IKZF1: variants seen among roughly 807,000 people sequenced by gnomAD.
IKZF1 encodes the protein DNA-binding protein Ikaros.
A neutral mutation model predicts 51.7 loss-of-function variants in IKZF1; 10 were observed. The observed-to-expected ratio is 0.19, with a 90% CI of 0.12 to 0.33. The LOEUF is 0.33. Among genes scored for constraint, IKZF1 ranks in the 10% least tolerant of loss-of-function variants. The pLI is 1.00. For synonymous variants in IKZF1, 280 were observed against 282.3 expected, an observed-to-expected ratio of 0.99 and a Z score of 0.08; for missense variants, 484 against 707.5, an observed-to-expected ratio of 0.68 and a Z score of 3.58.
At position 50,379,256 on chromosome 7, in the gene IKZF1, G is replaced by A. The variant is rs547267330; in HGVS notation, c.421+2463G>A. Among the ~76,000 whole-genome samples the A allele has an allele frequency of 1.9e-4, 29 of 152,324 alleles. No homozygotes were observed. The East Asian group carries it at 2.9e-3, about 15-fold the overall frequency. On this transcript the variant is annotated intron_variant, in intron 4 of 7. Transcript: ENST00000331340. ...GGCTCTCCACCTGGGGCTTAGGTAC[G>A]ACGGGAATCCCCACTGGACAGGCTA...
intron 6 of IKZF1, among the ~76,000 whole-genome samples, chr7:50,388,102 G>T (rs777077985): frequency 6.6e-6 from 1 of 152,156 alleles, no homozygotes; most frequent in Non-Finnish European, 1.5e-5. Context: ...CCCAGAGCCT[G>T]TAGAATAAAT....
intron 3 of IKZF1, among the ~76,000 whole-genome samples, chr7:50,329,801 C>T (rs1796032269): frequency 1.3e-5 from 2 of 152,210 alleles, no homozygotes; most frequent in Non-Finnish European, 2.9e-5. Flanking sequence ...GCCTGGATGT[C>T]AGAGTGAGGA....
intron 2 of IKZF1, among the ~76,000 whole-genome samples, chr7:50,320,098 C>T (rs943443352): frequency 2.6e-5 from 4 of 152,198 alleles, no homozygotes; most frequent in Non-Finnish European, 5.9e-5. Context: ...TGGACTTAAA[C>T]TCTCCCAGGT....
At chr7:50,354,450 G>A (rs1171902245) in intron 3 of IKZF1, among the ~76,000 whole-genome samples, 1 of 152,222 alleles carries the variant, frequency 6.6e-6, no homozygotes, top group East Asian at 1.9e-4. Flanking sequence ...GCAAGGGGCA[G>A]AGCTGGGGCG....
chr7:50,363,069 C>A (rs1275515625), intron 3 of IKZF1, among the ~76,000 whole-genome samples: 1 of 152,172 alleles, frequency 6.6e-6, no homozygotes, highest in East Asian at 1.9e-4. Context: ...GGCGAGCCCC[C>A]TGTGGGTTGG....
intron 3 of IKZF1, among the ~76,000 whole-genome samples, chr7:50,345,312 GA>G (rs1224244251): frequency 6.6e-6 from 1 of 152,136 alleles, no homozygotes; most frequent in Non-Finnish European, 1.5e-5. Context: ...ATATTACTCA[GA>G]ATCATATTGT....
chr7:50,348,117 G>A (rs1426020479), intron 3 of IKZF1, among the ~76,000 whole-genome samples: 1 of 152,218 alleles, frequency 6.6e-6, no homozygotes, highest in Non-Finnish European at 1.5e-5. Context: ...CCGCTGATAT[G>A]CCAGGGACAT....
chr7:50,353,389 G>A (rs772666989), intron 3 of IKZF1, among the ~76,000 whole-genome samples: 4 of 152,198 alleles, frequency 2.6e-5, no homozygotes, highest in Non-Finnish European at 4.4e-5. Flanking sequence ...AAGGCCTGAG[G>A]TCTGGAAGCC....
chr7:50,382,319 C>T (rs1411406042), intron 4 of IKZF1, among the ~76,000 whole-genome samples: 3 of 152,104 alleles, frequency 2.0e-5, no homozygotes, highest in Admixed American at 1.3e-4. Context: ...TTGTGATGTG[C>T]CATTCTGATT....
chr7:50,364,468 A>G (rs1806223400), intron 3 of IKZF1, among the ~76,000 whole-genome samples: 1 of 152,252 alleles, frequency 6.6e-6, no homozygotes, highest in Non-Finnish European at 1.5e-5. Flanking sequence ...CACCTGTTTT[A>G]TCTGCATCCT....
rs780721775 is a variant in IKZF1 at position 50,400,354 on chromosome 7, G to A, written c.1287G>A (p.Lys429=). Residue 429 remains lysine, a synonymous_variant, in exon 8 of 8, where the codon AAG becomes AAA. Transcript: ENST00000331340. This position sits in a 1 kb window ranked among gnomAD's most constrained non-coding sequence, Gnocchi z 5.4. ...APHARNGLSL[K]EEHRAYDLLR... is the part of the protein sequence containing the mutation. ...ACGCGCGCAACGGGCTGTCGCTCAA[G>A]GAGGAGCACCGCGCCTACGACCTGC... The A allele has an allele frequency of 2.4e-5, 39 of 1,612,874 alleles. No homozygotes were observed. The highest frequency in any genetic ancestry group is 3.3e-5 in the Non-Finnish European group (39 of 1,179,764).
At chr7:50,394,638 TGGTGCTCCCAACACTA>T (rs1341062992) in intron 7 of IKZF1, among the ~76,000 whole-genome samples, 1 of 152,198 alleles carries the variant, frequency 6.6e-6, no homozygotes, top group Non-Finnish European at 1.5e-5. Flanking sequence ...ATGGATGTGA[TGGTGCTCCCAACACTA>T]GAAAGCATCT....
chr7:50,323,832 T>A (rs1794091838), intron 2 of IKZF1, among the ~76,000 whole-genome samples: 1 of 152,234 alleles, frequency 6.6e-6, no homozygotes, highest in African/African-American at 2.4e-5. Flanking sequence ...CTTAGCATAT[T>A]AGAATCCATG....
intron 3 of IKZF1, among the ~76,000 whole-genome samples, chr7:50,364,892 T>C (rs1806398160): frequency 6.6e-6 from 1 of 152,322 alleles, no homozygotes; most frequent in African/African-American, 2.4e-5. Context: ...GGGGCAGGGC[T>C]AAGAGGTGTA....
chr7:50,340,462 A>G lies in IKZF1; in HGVS notation c.160+12705A>G, dbSNP rs923145667. The stretch of plus-strand genomic sequence containing the variant: ...GTGTGATCGATGGAAGGCCTTCAGC[A>G]TGGCCCCCTGCTGCATGGCAGAGCC... On this transcript the variant is annotated intron_variant, in intron 3 of 7. Transcript: ENST00000331340. 3.1e-3 allele frequency among the ~76,000 whole-genome samples: 468 copies of G among 152,338 alleles called. 2 individuals carry two copies. The highest frequency in any genetic ancestry group is 0.01 in the African/African-American group (423 of 41,574).
chr7:50,391,986 G>A (rs1034667659), intron 7 of IKZF1, 123 bp downstream of exon 7: 1 of 1,354,046 alleles, frequency 7.4e-7, no homozygotes, highest in Non-Finnish European at 9.8e-7. Context: ...GGAAAAATTG[G>A]TAAGCTTAAC....
chr7:50,360,681 T>G (rs1239666569), intron 3 of IKZF1, among the ~76,000 whole-genome samples: 1 of 152,252 alleles, frequency 6.6e-6, no homozygotes, highest in East Asian at 1.9e-4. Flanking sequence ...AAACAGTTGA[T>G]CAAAGGCTCT....
rs913818427 is a variant in IKZF1, at chr7:50,335,816, G to A, written c.160+8059G>A. ...TGCATGTGGCAGCTGAGCCACTGGG[G>A]TGTTTGCTGTGCCTGGGAGCAGGCC... is the stretch of plus-strand genomic sequence containing the variant. On this transcript the variant is annotated intron_variant, in intron 3 of 7. Coordinates refer to ENST00000331340, the MANE Select transcript of IKZF1 (RefSeq NM_006060.6). Among the ~76,000 whole-genome samples, 684 of 152,104 alleles carry A rather than the reference G, an allele frequency of 4.5e-3. 7 individuals carry two copies. The highest frequency in any genetic ancestry group is 0.016 in the African/African-American group (655 of 41,440).
At chr7:50,320,158 C>T (rs774988935) in intron 2 of IKZF1, among the ~76,000 whole-genome samples, 1 of 152,128 alleles carries the variant, frequency 6.6e-6, no homozygotes, top group African/African-American at 2.4e-5. Flanking sequence ...AGTGAGGCTT[C>T]GTATTTATTA....
Sources: allele counts gnomAD v4.1 joint callset (sites outside exome capture counted in the v4.1 genomes callset), GRCh38; gene constraint gnomAD v4.1.1; non-coding constraint Gnocchi (gnomAD v3.1); transcripts MANE v1.5; gene names NCBI Gene and HGNC (gene_info 2026-07-23, HGNC 2026-07-21).